ANKFN1: variants seen among roughly 807,000 people sequenced by gnomAD.
The protein encoded by ANKFN1 is ankyrin repeat and fibronectin type III domain containing 1.
Under a neutral mutation model 108.7 loss-of-function variants are expected in ANKFN1, and 74 were observed. The ratio of observed to expected loss-of-function variants is 0.68; its 90% CI spans 0.56 to 0.83. The LOEUF is 0.83. Among genes scored for constraint, ANKFN1 ranks in the 40% least tolerant of loss-of-function variants. The probability of loss-of-function intolerance (pLI) is 0.00; values close to 1 mark genes in which losing one functional copy is unlikely to be tolerated. For missense variants in ANKFN1, 1,505 were observed against 1,382.3 expected, an observed-to-expected ratio of 1.09 and a Z score of -1.41; for synonymous variants, 547 against 516.2, an observed-to-expected ratio of 1.06 and a Z score of -0.81.
intron 8 of ANKFN1, among the ~76,000 whole-genome samples, chr17:56,425,698 A>G (rs2048541724): frequency 6.6e-6 from 1 of 152,142 alleles, no homozygotes; most frequent in Non-Finnish European, 1.5e-5. Context: ...TTTCCTATAC[A>G]TCCTTCAGAA....
intron 3 of ANKFN1, among the ~76,000 whole-genome samples, chr17:56,315,749 A>G (rs1160721528): frequency 6.6e-6 from 1 of 152,206 alleles, no homozygotes; most frequent in African/African-American, 2.4e-5. Flanking sequence ...ACTCTGCTCT[A>G]TCTGATTTCA....
intron 3 of ANKFN1, among the ~76,000 whole-genome samples, chr17:56,274,205 A>G (rs1598337690): frequency 1.3e-5 from 2 of 152,186 alleles, no homozygotes; most frequent in Non-Finnish European, 2.9e-5. Flanking sequence ...CTGAGCAGCA[A>G]AAGTAATTCT....
chr17:56,330,128 G>A (rs1329663393), intron 4 of ANKFN1, among the ~76,000 whole-genome samples: 1 of 151,402 alleles, frequency 6.6e-6, no homozygotes, highest in African/African-American at 2.4e-5. Flanking sequence ...AAGTGTATTA[G>A]TCTGTTCTCA....
chr17:56,239,349 T>C (rs1339989776), intron 3 of ANKFN1, among the ~76,000 whole-genome samples: 1 of 152,078 alleles, frequency 6.6e-6, no homozygotes, highest in East Asian at 1.9e-4. Context: ...TTCACAATAA[T>C]ATGGTGCAAT....
intron 8 of ANKFN1, among the ~76,000 whole-genome samples, chr17:56,412,223 C>G (rs2048113108): frequency 6.6e-6 from 1 of 152,100 alleles, no homozygotes; most frequent in African/African-American, 2.4e-5. Flanking sequence ...TTGTGTGTTT[C>G]TGGGAATTCG....
At chr17:56,305,467 G>A (rs1424748963) in intron 3 of ANKFN1, among the ~76,000 whole-genome samples, 1 of 152,068 alleles carries the variant, frequency 6.6e-6, no homozygotes, top group Non-Finnish European at 1.5e-5. Flanking sequence ...ATCTCTTCAT[G>A]TCTTTTGCCC....
rs1463703418 is a variant in ANKFN1 at position 56,505,504 on chromosome 17, GCTTAATTTGTTC to G, written c.2645-4964_2645-4953del. ...TACAAAAGATTCTACACATCCCTTT[GCTTAATTTGTTC>G]CTTAGTCCATTCCTTTGTTGACTGA... On this transcript the variant is annotated intron_variant, in intron 20 of 20. Transcript: ENST00000682825. Among the ~76,000 whole-genome samples, 3 of 152,160 alleles carry G rather than the reference GCTTAATTTGTTC, an allele frequency of 2.0e-5. No homozygotes were observed. In the East Asian group the frequency reaches 5.8e-4, roughly 29 times the overall value.
intron 8 of ANKFN1, among the ~76,000 whole-genome samples, chr17:56,426,603 A>G (rs1440236148): frequency 6.6e-6 from 1 of 152,236 alleles, no homozygotes; most frequent in Non-Finnish European, 1.5e-5. Flanking sequence ...AAGGCAACAC[A>G]CAAAATAGAG....
intron 2 of ANKFN1, among the ~76,000 whole-genome samples, chr17:56,225,606 G>A (rs1442847311): frequency 6.6e-6 from 1 of 152,210 alleles, no homozygotes; most frequent in African/African-American, 2.4e-5. Context: ...CACTCAATAA[G>A]CATTCAGTGA....
intron 4 of ANKFN1, among the ~76,000 whole-genome samples, chr17:56,340,121 T>G (rs1359647537): frequency 1.3e-5 from 2 of 152,244 alleles, no homozygotes; most frequent in East Asian, 3.8e-4. Flanking sequence ...AAAAAGTGTC[T>G]GTTCATGTCC....
At chr17:56,211,504 T>C (rs1915000809) in intron 1 of ANKFN1, among the ~76,000 whole-genome samples, 1 of 152,224 alleles carries the variant, frequency 6.6e-6, no homozygotes, top group Non-Finnish European at 1.5e-5. Flanking sequence ...TTTTGGTGAC[T>C]ATGGCTTTAT....
chr17:56,261,959 A>T (rs1963356472), intron 3 of ANKFN1, among the ~76,000 whole-genome samples: 1 of 152,192 alleles, frequency 6.6e-6, no homozygotes, highest in Non-Finnish European at 1.5e-5. Context: ...CTCCCTGCCC[A>T]GGTCCCCAAG....
chr17:56,143,556 A>G lies in ANKFN1; in HGVS notation c.289-84361A>G, dbSNP rs118035307. Among the ~76,000 whole-genome samples the G allele has an allele frequency of 1.7e-3, 255 of 152,282 alleles. 6 individuals are homozygous for G. In the East Asian group the frequency reaches 0.04, roughly 24 times the overall value. On this transcript the variant is annotated intron_variant, in intron 4 of 12. Coordinates refer to the ANKFN1 transcript ENST00000635860. ...CTATCATATTTGATCTTTGCAGTAG[A>G]TTGAATTGTGTTCTCTCAAAAGATA... is the stretch of plus-strand genomic sequence containing the variant.
At chr17:56,096,565 G>T (rs1008919403) in intron 4 of ANKFN1, among the ~76,000 whole-genome samples, 1 of 152,082 alleles carries the variant, frequency 6.6e-6, no homozygotes, top group Non-Finnish European at 1.5e-5. Context: ...GAAAAAAAAA[G>T]TTCAACATCA....
Position 56,504,115 on chromosome 17 carries a change from T to C in ANKFN1, c.2644+5017T>C, listed in dbSNP as rs184979669. 3.1e-3 allele frequency among the ~76,000 whole-genome samples: 472 copies of C among 152,328 alleles called. 2 individuals carry two copies. The highest frequency in any genetic ancestry group is 0.011 in the African/African-American group (451 of 41,584). The stretch of plus-strand genomic sequence containing the variant: ...GACTGTTCTGGGAGGGGTATCCCAC[T>C]CTAAGCAATAGGTTCCACTAAGTCT... On this transcript the variant is annotated intron_variant, in intron 20 of 20. Coordinates refer to ENST00000682825, the MANE Select transcript of ANKFN1 (RefSeq NM_001370326.1).
intron 1 of ANKFN1, among the ~76,000 whole-genome samples, chr17:56,211,792 A>G (rs1394900204): frequency 2.0e-5 from 3 of 152,000 alleles, no homozygotes; most frequent in Admixed American, 2.0e-4. Flanking sequence ...AGTGTTTTGT[A>G]GTTTTCCCTG....
intron 3 of ANKFN1, among the ~76,000 whole-genome samples, chr17:56,264,502 T>C (rs2043598820): frequency 6.6e-6 from 1 of 152,138 alleles, no homozygotes; most frequent in African/African-American, 2.4e-5. Context: ...GCAGTCTACA[T>C]ACACTCTCTT....
At chr17:56,386,328 G>T (rs1332387040) in intron 8 of ANKFN1, among the ~76,000 whole-genome samples, 2 of 151,982 alleles carry the variant, frequency 1.3e-5, no homozygotes, top group East Asian at 1.9e-4. Context: ...TTGTGGGGTG[G>T]GGGGAGCGGG....
intron 2 of ANKFN1, among the ~76,000 whole-genome samples, chr17:56,227,623 A>G (rs535377857): frequency 6.6e-6 from 1 of 152,120 alleles, no homozygotes; most frequent in African/African-American, 2.4e-5. Flanking sequence ...TCTGTCTCCA[A>G]GATTGGACCT....
Sources: gnomAD v4.1 joint callset for allele counts (sites outside exome capture counted in the v4.1 genomes callset) on GRCh38, gnomAD v4.1.1 for gene constraint, MANE v1.5 for transcripts, NCBI Gene and HGNC (gene_info 2026-07-23, HGNC 2026-07-21) for gene names.